COG5: variants seen among roughly 807,000 people sequenced by gnomAD.
COG5 encodes component of oligomeric golgi complex 5.
Under a neutral mutation model 110.4 loss-of-function variants are expected in COG5, and 86 were observed. The ratio of observed to expected loss-of-function variants is 0.78; its 90% CI spans 0.65 to 0.93. COG5 has a LOEUF of 0.93. Among genes scored for constraint, COG5 ranks in the 40% least tolerant of loss-of-function variants. COG5 has a pLI of 0.00. For missense variants in COG5, 1,077 were observed against 987.0 expected (o/e 1.09, Z -1.22); for synonymous variants, 360 against 334.6 (o/e 1.08, Z -0.83).
intron 6 of COG5, among the ~76,000 whole-genome samples, chr7:107,413,433 C>T (rs1792457485): frequency 1.3e-5 from 2 of 151,628 alleles, no homozygotes; most frequent in African/African-American, 4.8e-5. Flanking sequence ...GTACAAAGGG[C>T]TCTAAGAGCT....
intron 10 of COG5, among the ~76,000 whole-genome samples, chr7:107,336,093 G>C (rs1386981839): frequency 2.6e-5 from 4 of 152,098 alleles, no homozygotes; most frequent in African/African-American, 9.7e-5. Context: ...ATATCAAAAA[G>C]ATATCTGTAC....
At chr7:107,412,051 TAG>T (rs1026600656) in intron 7 of COG5, among the ~76,000 whole-genome samples, 3 of 152,148 alleles carry the variant, frequency 2.0e-5, no homozygotes, top group African/African-American at 7.2e-5. Context: ...GTTCTGGGAC[TAG>T]AGTGATTAAA....
chr7:107,372,149 A>G (rs1814232588), intron 8 of COG5, among the ~76,000 whole-genome samples: 1 of 152,168 alleles, frequency 6.6e-6, no homozygotes, highest in Non-Finnish European at 1.5e-5. Context: ...GGATTTTATC[A>G]GTTTCTATGT....
chr7:107,447,939 T>A, intron 6 of COG5, among the ~76,000 whole-genome samples: 1 of 152,172 alleles, frequency 6.6e-6, no homozygotes, highest in Non-Finnish European at 1.5e-5. Flanking sequence ...GTGGATCACC[T>A]GAGTTCAGGA....
intron 6 of COG5, among the ~76,000 whole-genome samples, chr7:107,492,168 A>AGTGT (rs61526384): frequency 0.058 from 8,191 of 141,650 alleles, 305 homozygotes; most frequent in African/African-American, 0.089. Flanking sequence ...AACAATGGGT[A>AGTGT]GTGTGTGTGT....
At chr7:107,532,357 A>G (rs531530073) in intron 5 of COG5, among the ~76,000 whole-genome samples, 1 of 152,262 alleles carries the variant, frequency 6.6e-6, no homozygotes, top group South Asian at 2.1e-4. Context: ...GCACCCAGGC[A>G]GAAAACAGCA....
At chr7:107,287,693 T>C (rs555917498) in intron 12 of COG5, among the ~76,000 whole-genome samples, 3 of 152,314 alleles carry the variant, frequency 2.0e-5, no homozygotes, top group African/African-American at 7.2e-5. Context: ...TGTGTTTCTA[T>C]AGATTTTGCT....
At chr7:107,292,654 C>G (rs6964966) in intron 12 of COG5, among the ~76,000 whole-genome samples, 24,441 of 152,088 alleles carry the variant, frequency 0.16, 2,356 homozygotes, top group Non-Finnish European at 0.22. Context: ...AAGTTTTACT[C>G]AGGATCTGAA....
rs942082962 is a variant in COG5 at position 107,202,812 on chromosome 7, CA to C, written c.*703del. The C allele has an allele frequency of 6.6e-6, 1 of 152,044 alleles. No individual in the cohort carries two copies. Among genetic ancestry groups the C allele is most frequent in the African/African-American group, 2.4e-5 (1 of 41,380 alleles). 9.4% of individuals were successfully genotyped at this position (152,044 alleles called of 1,614,324 possible). A position where few individuals can be genotyped will look rare whatever the true frequency, so the allele number is the denominator to read the frequency against. On this transcript the variant is annotated 3_prime_UTR_variant, in exon 22 of 22. Transcript: ENST00000297135. ...ATTTTTGTTACACGGTTAAACAGCC[CA>C]AAGGTCTGCTTTTAATAACATGACA...
At chr7:107,387,843 T>C (rs1790322121) in intron 7 of COG5, among the ~76,000 whole-genome samples, 1 of 152,256 alleles carries the variant, frequency 6.6e-6, no homozygotes, top group Admixed American at 6.5e-5. Context: ...ACTCTGTTTA[T>C]TTATTGCAGA....
At chr7:107,506,636 A>G (rs1024140602) in intron 6 of COG5, among the ~76,000 whole-genome samples, 2 of 152,108 alleles carry the variant, frequency 1.3e-5, no homozygotes, top group Non-Finnish European at 2.9e-5. Context: ...CAGATCTCAC[A>G]CCCACAGTTT....
At position 107,554,135 on chromosome 7, in the gene COG5, C is replaced by T. The variant is rs115770275; in HGVS notation, c.292+150G>A. The T allele has an allele frequency of 5.5e-3, 3,871 of 698,488 alleles. 88 individuals carry two copies. The highest frequency in any genetic ancestry group is 0.053 in the African/African-American group (3,016 of 56,524). The allele number at this position is 698,488 out of a possible 1,614,324, so 43.3% of individuals were successfully genotyped here. A position where few individuals can be genotyped will look rare whatever the true frequency, so the allele number is the denominator to read the frequency against. On this transcript the variant is annotated intron_variant, in intron 3 of 21. Coordinates refer to ENST00000297135, the MANE Select transcript of COG5 (RefSeq NM_006348.5). ...CATTTGTTTTCATATTATCTGCCTA[C>T]TTTCACTCTACAATGGCAGAGTTTA...
At chr7:107,441,063 C>T (rs950957664) in intron 6 of COG5, among the ~76,000 whole-genome samples, 2 of 151,420 alleles carry the variant, frequency 1.3e-5, no homozygotes, top group Admixed American at 6.6e-5. Flanking sequence ...ACCATCCTGT[C>T]TAACACAGTG....
At chr7:107,255,974 T>C (rs1347311581) in intron 16 of COG5, among the ~76,000 whole-genome samples, 1 of 152,126 alleles carries the variant, frequency 6.6e-6, no homozygotes, top group Non-Finnish European at 1.5e-5. Flanking sequence ...ATTTCTAAGA[T>C]ATATAAAGTG....
rs774691922 is a variant in COG5 at position 107,527,391 on chromosome 7, C to G, written c.418-34G>C. The G allele has an allele frequency of 2.5e-6, 4 of 1,609,840 alleles. No individual in the cohort carries two copies. The South Asian group carries it at 3.3e-5, about 13-fold the overall frequency. ...ACATCACAATGTTAAGTTAGTTGAT[C>G]CATGAAGTTTTATTACTATTAATAA... On this transcript the variant is annotated intron_variant, in intron 5 of 21. Coordinates refer to ENST00000297135, the MANE Select transcript of COG5 (RefSeq NM_006348.5).
At chr7:107,452,117 T>C (rs1166644946) in intron 6 of COG5, among the ~76,000 whole-genome samples, 1 of 152,188 alleles carries the variant, frequency 6.6e-6, no homozygotes, top group Non-Finnish European at 1.5e-5. Flanking sequence ...ACAGATCCCA[T>C]TACTTTGTTC....
At chr7:107,225,504 A>G (rs889869220) in intron 19 of COG5, among the ~76,000 whole-genome samples, 3 of 152,080 alleles carry the variant, frequency 2.0e-5, no homozygotes, top group Non-Finnish European at 4.4e-5. Flanking sequence ...CATTCAAACA[A>G]ATACTTTTAT....
chr7:107,542,781 C>T (rs1802129482), intron 5 of COG5, among the ~76,000 whole-genome samples: 1 of 152,022 alleles, frequency 6.6e-6, no homozygotes, highest in South Asian at 2.1e-4. Flanking sequence ...ACCAGCTTGG[C>T]CAACATGGTG....
intron 21 of COG5, chr7:107,208,496 C>T: frequency 1.0e-6 from 1 of 985,398 alleles, no homozygotes. Context: ...TTAACTGAAT[C>T]CTCTTTTTAA....
Sources: gnomAD v4.1 joint callset for allele counts (sites outside exome capture counted in the v4.1 genomes callset) on GRCh38, gnomAD v4.1.1 for gene constraint, MANE v1.5 for transcripts, NCBI Gene and HGNC (gene_info 2026-07-23, HGNC 2026-07-21) for gene names.